Variants in DNM3 observed in about 807,000 individuals in gnomAD.
DNM3 encodes the protein dynamin 3, also known as dynamin-3.
DNM3 carries 47 observed loss-of-function variants against 101.6 expected under a neutral mutation model. That is an observed-to-expected ratio of 0.46 (90% CI 0.37 to 0.59). DNM3 has a LOEUF of 0.59. Ranked by LOEUF, DNM3 falls within the 20% of genes least tolerant of loss-of-function variation. The probability of loss-of-function intolerance (pLI) is 0.00; values close to 1 mark genes in which losing one functional copy is unlikely to be tolerated. For synonymous variants in DNM3, 385 were observed against 387.9 expected (o/e 0.99, Z 0.09); for missense variants, 849 against 1,085.7 (o/e 0.78, Z 3.06).
At chr1:172,253,511 TC>T (rs1312838618) in intron 14 of DNM3, 61 bp from the exon 15 acceptor site, 10 of 890,394 alleles carry the variant, frequency 1.1e-5, no homozygotes, top group Non-Finnish European at 1.7e-5. Context: ...TCTCCTCTCC[TC>T]TCCTCTCCTC....
intron 11 of DNM3, 109 bp downstream of exon 11, chr1:172,069,014 A>G: frequency 1.2e-6 from 1 of 820,760 alleles, no homozygotes; most frequent in Admixed American, 2.6e-5. Context: ...AGGAAAAAAA[A>G]ATAGTGGAAC....
At chr1:172,081,331 C>G (rs1312127024) in intron 11 of DNM3, among the ~76,000 whole-genome samples, 1 of 151,998 alleles carries the variant, frequency 6.6e-6, no homozygotes, top group Non-Finnish European at 1.5e-5. Flanking sequence ...CAAATGCTTT[C>G]CTGAAATGTG....
intron 10 of DNM3, among the ~76,000 whole-genome samples, chr1:172,049,195 G>A (rs1340950536): frequency 6.6e-6 from 1 of 152,090 alleles, no homozygotes; most frequent in Non-Finnish European, 1.5e-5. Flanking sequence ...TAGTGTAGTG[G>A]ATAAGAACCC....
chr1:172,089,073 T>G (rs542184677), intron 12 of DNM3, among the ~76,000 whole-genome samples: 1 of 152,372 alleles, frequency 6.6e-6, no homozygotes, highest in Admixed American at 6.5e-5. Context: ...CAAATGTGCG[T>G]GCACACACGC....
intron 4 of DNM3, among the ~76,000 whole-genome samples, chr1:171,989,698 T>C (rs2045510316): frequency 6.6e-6 from 1 of 152,198 alleles, no homozygotes; most frequent in African/African-American, 2.4e-5. Flanking sequence ...CTTATGCGTA[T>C]GTTTAAACTT....
chr1:172,312,546 A>G (rs2065127045), intron 16 of DNM3, among the ~76,000 whole-genome samples: 1 of 152,158 alleles, frequency 6.6e-6, no homozygotes, highest in Non-Finnish European at 1.5e-5. Flanking sequence ...CGTCCAAGTG[A>G]TGGAATGGTT....
chr1:171,846,317 G>A (rs1374534242), intron 1 of DNM3, among the ~76,000 whole-genome samples: 3 of 152,078 alleles, frequency 2.0e-5, no homozygotes, highest in Non-Finnish European at 4.4e-5. Context: ...ATATAACTAA[G>A]ATAACTAGAC....
rs12039301 is a variant in DNM3 at position 172,186,037 on chromosome 1, C to T, written c.1659+54749C>T. Among the ~76,000 whole-genome samples, 8 of 152,042 alleles carry T rather than the reference C, an allele frequency of 5.3e-5. No homozygotes were observed. The East Asian group carries it at 1.4e-3, about 26-fold the overall frequency. On this transcript the variant is annotated intron_variant, in intron 14 of 20. Coordinates refer to ENST00000627582, the MANE Select transcript of DNM3 (RefSeq NM_015569.5). ...GGCAGAAAGGCAAAAATGTGAGAAG[C>T]AAGAAACCAATTTATTGTTAATCAA...
chr1:172,283,771 A>AG, intron 15 of DNM3, among the ~76,000 whole-genome samples: 1 of 147,936 alleles, frequency 6.8e-6, no homozygotes, highest in Admixed American at 6.8e-5. Flanking sequence ...AAAAAAAAAA[A>AG]AAAAAAAAAA....
intron 20 of DNM3, among the ~76,000 whole-genome samples, chr1:172,400,909 C>T (rs17369331): frequency 0.091 from 13,844 of 152,212 alleles, 790 homozygotes; most frequent in Middle Eastern, 0.12. Flanking sequence ...GGAAGTCCTT[C>T]CAACCTCCTA....
intron 17 of DNM3, among the ~76,000 whole-genome samples, chr1:172,374,054 C>A (rs781091726): frequency 6.6e-6 from 1 of 152,016 alleles, no homozygotes; most frequent in African/African-American, 2.4e-5. Flanking sequence ...GGGACATGTA[C>A]GTGTTGTCTG....
chr1:172,367,524 A>T (rs1260060256), intron 17 of DNM3, among the ~76,000 whole-genome samples: 1 of 151,922 alleles, frequency 6.6e-6, no homozygotes, highest in Non-Finnish European at 1.5e-5. Context: ...GAGAGGAAAA[A>T]CAGAAACAAA....
chr1:171,933,451 G>GTTT (rs1188439389), intron 2 of DNM3, among the ~76,000 whole-genome samples: 2 of 152,164 alleles, frequency 1.3e-5, no homozygotes, highest in East Asian at 3.8e-4. Flanking sequence ...TAGGTGGAGA[G>GTTT]AAACCAACAA....
intron 14 of DNM3, among the ~76,000 whole-genome samples, chr1:172,144,040 T>G (rs1429335277): frequency 6.6e-6 from 1 of 152,174 alleles, no homozygotes; most frequent in Non-Finnish European, 1.5e-5. Flanking sequence ...TTCATCCATA[T>G]AAGTTTTTAA....
At chr1:172,180,324 G>A (rs1222481068) in intron 14 of DNM3, among the ~76,000 whole-genome samples, 2 of 152,056 alleles carry the variant, frequency 1.3e-5, no homozygotes, top group African/African-American at 4.8e-5. Flanking sequence ...GTTAGATCCT[G>A]ACTTTTACCC....
intron 16 of DNM3, 174 bp downstream of exon 16, chr1:172,309,013 C>G (rs1310834707): frequency 4.7e-6 from 2 of 423,768 alleles, no homozygotes; most frequent in Non-Finnish European, 8.3e-6. Flanking sequence ...TGCTTTTTCT[C>G]TGTTAGATTT....
At chr1:172,047,590 A>G (rs1473808847) in intron 9 of DNM3, among the ~76,000 whole-genome samples, 1 of 152,190 alleles carries the variant, frequency 6.6e-6, no homozygotes. Context: ...TTAATATTGT[A>G]CTAAACAGTT....
At chr1:172,063,889 A>G (rs1305528608) in intron 10 of DNM3, among the ~76,000 whole-genome samples, 1 of 152,164 alleles carries the variant, frequency 6.6e-6, no homozygotes, top group South Asian at 2.1e-4. Context: ...CTATTATAAT[A>G]TAAGCATCAA....
chr1:172,073,603 G>A (rs1395864065), intron 11 of DNM3, among the ~76,000 whole-genome samples: 1 of 152,200 alleles, frequency 6.6e-6, no homozygotes, highest in African/African-American at 2.4e-5. Context: ...GGAGCATTAT[G>A]TAGAATATGT....
Sources: gnomAD v4.1 joint callset for allele counts (sites outside exome capture counted in the v4.1 genomes callset) on GRCh38, gnomAD v4.1.1 for gene constraint, MANE v1.5 for transcripts, NCBI Gene and HGNC (gene_info 2026-07-23, HGNC 2026-07-21) for gene names.